The following BRINP3 variants were observed in gnomAD, a reference collection of about 807,000 sequenced individuals.
The protein encoded by BRINP3 is BMP/retinoic acid inducible neural specific 3.
In BRINP3, 19 loss-of-function variants were observed where a neutral mutation model predicts 71.0. The observed-to-expected ratio is 0.27, with a 90% CI of 0.19 to 0.39. BRINP3 has a LOEUF of 0.39. Ranked by LOEUF, BRINP3 falls within the 10% of genes least tolerant of loss-of-function variation. BRINP3 has a pLI of 1.00. For synonymous variants in BRINP3, 380 were observed against 337.7 expected, an observed-to-expected ratio of 1.13 and a Z score of -1.37; for missense variants, 959 against 940.8, an observed-to-expected ratio of 1.02 and a Z score of -0.25.
At chr1:190,452,030 G>T (rs924090940) in intron 2 of BRINP3, among the ~76,000 whole-genome samples, 10 of 152,200 alleles carry the variant, frequency 6.6e-5, no homozygotes, top group African/African-American at 2.4e-4. Context: ...AGTAGAACTG[G>T]GCTGATCACT....
intron 7 of BRINP3, among the ~76,000 whole-genome samples, chr1:190,124,430 A>G (rs2102329467): frequency 6.6e-6 from 1 of 152,256 alleles, no homozygotes; most frequent in South Asian, 2.1e-4. Flanking sequence ...AAGACAACTT[A>G]TATCCCTAAA....
At chr1:190,275,018 A>G (rs1662433831) in intron 3 of BRINP3, among the ~76,000 whole-genome samples, 1 of 151,594 alleles carries the variant, frequency 6.6e-6, no homozygotes, top group South Asian at 2.1e-4. Flanking sequence ...AAAGTATCCC[A>G]AAGGAGAGCA....
chr1:190,469,911 T>G (rs896434414), intron 1 of BRINP3, among the ~76,000 whole-genome samples: 1 of 151,150 alleles, frequency 6.6e-6, no homozygotes, highest in Non-Finnish European at 1.5e-5. Context: ...TGGCTAAATT[T>G]AGTTTTTGAT....
intron 5 of BRINP3, among the ~76,000 whole-genome samples, chr1:190,228,363 C>T (rs1657602726): frequency 1.3e-5 from 2 of 151,992 alleles, no homozygotes; most frequent in Middle Eastern, 3.4e-3. Flanking sequence ...ACTACTTATC[C>T]ATTTTAATCT....
intron 2 of BRINP3, among the ~76,000 whole-genome samples, chr1:190,363,299 C>T (rs1457756569): frequency 3.3e-5 from 5 of 152,146 alleles, no homozygotes; most frequent in African/African-American, 1.2e-4. Flanking sequence ...ATCTAGTCAA[C>T]ACCTTGATGC....
chr1:190,410,729 T>C (rs1672609019), intron 2 of BRINP3, among the ~76,000 whole-genome samples: 1 of 152,106 alleles, frequency 6.6e-6, no homozygotes, highest in African/African-American at 2.4e-5. Context: ...AGAAAGGGTA[T>C]TTATTAACAA....
intron 1 of BRINP3, among the ~76,000 whole-genome samples, chr1:190,470,471 G>A (rs1276170550): frequency 6.6e-6 from 1 of 151,004 alleles, no homozygotes; most frequent in Non-Finnish European, 1.5e-5. Context: ...AATTTGTTTT[G>A]CTTTGGGTGC....
intron 6 of BRINP3, among the ~76,000 whole-genome samples, chr1:190,191,311 A>G (rs1157718814): frequency 6.6e-6 from 1 of 152,062 alleles, no homozygotes; most frequent in Non-Finnish European, 1.5e-5. Context: ...AAAAAAATGG[A>G]TACATGTGTA....
At chr1:190,187,601 G>A (rs927420696) in intron 6 of BRINP3, among the ~76,000 whole-genome samples, 2 of 152,182 alleles carry the variant, frequency 1.3e-5, no homozygotes, top group South Asian at 2.1e-4. Flanking sequence ...CTGTACAGAT[G>A]TTCAGTTTTC....
At chr1:190,249,005 A>C (rs1168898238) in intron 4 of BRINP3, among the ~76,000 whole-genome samples, 3 of 151,850 alleles carry the variant, frequency 2.0e-5, no homozygotes, top group Admixed American at 6.6e-5. Flanking sequence ...ATTTTTCTAA[A>C]AGATATTGCT....
intron 2 of BRINP3, among the ~76,000 whole-genome samples, chr1:190,350,187 G>T (rs982247392): frequency 2.6e-5 from 4 of 152,050 alleles, no homozygotes; most frequent in African/African-American, 9.7e-5. Context: ...GGCTAAAGCA[G>T]ACAAACAGAT....
intron 2 of BRINP3, among the ~76,000 whole-genome samples, chr1:190,396,540 C>A (rs1226906211): frequency 2.0e-5 from 3 of 151,296 alleles, no homozygotes; most frequent in Non-Finnish European, 3.0e-5. Flanking sequence ...ACTACAGAAA[C>A]CCATCCAACC....
chr1:190,388,245 C>A (rs542237532), intron 2 of BRINP3, among the ~76,000 whole-genome samples: 1 of 151,718 alleles, frequency 6.6e-6, no homozygotes, highest in South Asian at 2.1e-4. Flanking sequence ...TCTATGCCTG[C>A]AGCATCTGTA....
At chr1:190,158,994 T>C (rs1657113381) in intron 7 of BRINP3, among the ~76,000 whole-genome samples, 2 of 151,970 alleles carry the variant, frequency 1.3e-5, no homozygotes, top group Admixed American at 6.6e-5. Context: ...TCAGAACATA[T>C]GAAGTCCTCT....
chr1:190,340,314 A>T (rs1198015220), intron 2 of BRINP3, among the ~76,000 whole-genome samples: 1 of 150,152 alleles, frequency 6.7e-6, no homozygotes. Context: ...GGTGAGGCTT[A>T]AAAGTCTTTA....
chr1:190,455,081 C>G, intron 1 of BRINP3, 141 bp from the exon 2 acceptor site: 1 of 495,958 alleles, frequency 2.0e-6, no homozygotes, highest in Non-Finnish European at 3.5e-6. Flanking sequence ...AAATACAAAC[C>G]AAAATTATTT....
intron 2 of BRINP3, among the ~76,000 whole-genome samples, chr1:190,333,502 A>T (rs934168869): frequency 6.6e-6 from 1 of 151,978 alleles, no homozygotes; most frequent in Admixed American, 6.6e-5. Context: ...CAAACTAAAT[A>T]TGCATTATTA....
chr1:190,390,855 T>G (rs2102303520), intron 2 of BRINP3, among the ~76,000 whole-genome samples: 1 of 151,952 alleles, frequency 6.6e-6, no homozygotes, highest in South Asian at 2.1e-4. Flanking sequence ...CAAAAAGACT[T>G]GGCAGTTAGG....
rs1491029455 is a variant in BRINP3, at chr1:190,149,655, GTA to G, written c.1184+11011_1184+11012del. On this transcript the variant is annotated intron_variant, in intron 7 of 7. Transcript: ENST00000367462. ...TGTGTGTGTGTGTGTGTGTGTGTGT[GTA>G]TGTGAGAGAGAGAGACCTGGTAGAA... Among the ~76,000 whole-genome samples, 6 of 148,812 alleles carry G rather than the reference GTA, an allele frequency of 4.0e-5. No individual in the cohort carries two copies. The South Asian group carries it at 8.7e-4, about 22-fold the overall frequency.
Sources: allele counts gnomAD v4.1 joint callset (sites outside exome capture counted in the v4.1 genomes callset), GRCh38; gene constraint gnomAD v4.1.1; transcripts MANE v1.5; gene names NCBI Gene and HGNC (gene_info 2026-07-23, HGNC 2026-07-21).